The following IGDCC3 variants were observed in gnomAD, a reference collection of about 807,000 sequenced individuals.
IGDCC3 encodes the protein immunoglobulin superfamily DCC subclass member 3.
In IGDCC3, 47 loss-of-function variants were observed where a neutral mutation model predicts 72.0. That is an observed-to-expected ratio of 0.65 (90% CI 0.52 to 0.83). The LOEUF (loss-of-function observed/expected upper bound fraction) is 0.83. IGDCC3 is among the 40% of genes least tolerant of loss of function. IGDCC3 has a pLI of 0.00. For missense variants in IGDCC3, 1,038 were observed against 1,091.3 expected (o/e 0.95, Z 0.69); for synonymous variants, 477 against 472.8 (o/e 1.01, Z -0.11).
intron 4 of IGDCC3, 115 bp downstream of exon 4, chr15:65,335,176 T>C (rs2091016094): frequency 3.4e-6 from 4 of 1,171,814 alleles, no homozygotes; most frequent in Non-Finnish European, 4.8e-6. Flanking sequence ...CCCGGCACTC[T>C]GCACGCACGT....
At chr15:65,332,185 G>T in intron 6 of IGDCC3, 79 bp from the exon 7 acceptor site, 1 of 1,485,502 alleles carries the variant, frequency 6.7e-7, no homozygotes, top group South Asian at 1.3e-5. Context: ...ACAGGGGATG[G>T]GACTGGAGAT....
At position 65,329,174 on chromosome 15, in the gene IGDCC3, C is replaced by T. The variant is rs749944800; in HGVS notation, c.2206-26G>A. ...CTGGGGAAAGAGCCCGTCACACAGG[C>T]GTCAGCTTGAGGGCCAGGGCGCCAG... On this transcript the variant is annotated intron_variant, in intron 13 of 13. Transcript: ENST00000327987. The surrounding 1 kb of genome is among the most constrained non-coding windows in gnomAD (Gnocchi z 4.1). 33 of 1,587,408 alleles carry T rather than the reference C, an allele frequency of 2.1e-5. 1 individual carries two copies. Among genetic ancestry groups the T allele is most frequent in the Admixed American group, 3.6e-5 (2 of 55,546 alleles).
At chr15:65,347,617 T>G (rs1020097741) in intron 2 of IGDCC3, among the ~76,000 whole-genome samples, 1 of 152,054 alleles carries the variant, frequency 6.6e-6, no homozygotes, top group Non-Finnish European at 1.5e-5. Flanking sequence ...AAAATACAGG[T>G]CATAAACACC....
intron 3 of IGDCC3, 136 bp downstream of exon 3, chr15:65,335,675 TG>T: frequency 9.8e-7 from 1 of 1,016,332 alleles, no homozygotes. Context: ...GTCTAAACTG[TG>T]GTTGCAGAAA....
chr15:65,331,042 G>A lies in IGDCC3; in HGVS notation c.1561+8C>T. 1 of 1,612,988 alleles carries A rather than the reference G, an allele frequency of 6.2e-7. No individual in the cohort carries two copies. Among genetic ancestry groups the A allele is most frequent in the African/African-American group, 1.3e-5 (1 of 75,036 alleles). On this transcript the variant is annotated splice_region_variant and intron_variant, in intron 9 of 13. Transcript: ENST00000327987. ...CCTGTGGTTTTGTGCTCCACACCCA[G>A]GCCTCACCTTCACCCAGGGTGCTAG...
chr15:65,329,236 G>A lies in IGDCC3; in HGVS notation c.2206-88C>T. The A allele has an allele frequency of 6.6e-7, 1 of 1,518,204 alleles. No homozygotes were observed. Among genetic ancestry groups the A allele is most frequent in the African/African-American group, 1.4e-5 (1 of 71,942 alleles). The allele number at this position is 1,518,204 out of a possible 1,614,324, so 94.0% of individuals were successfully genotyped here. The stretch of plus-strand genomic sequence containing the variant: ...CCCCACTTGGGCCTTAGGGTCTCCA[G>A]GTCTCCCTGCCTGACTCAGGGACAC... On this transcript the variant is annotated intron_variant, in intron 13 of 13. Coordinates refer to ENST00000327987, the MANE Select transcript of IGDCC3 (RefSeq NM_004884.4). This position sits in a 1 kb window ranked among gnomAD's most constrained non-coding sequence, Gnocchi z 4.1.
In IGDCC3 at chr15:65,368,160, TCACACACACACA is replaced by T. The variant is rs57451250; in HGVS notation, c.409+6925_409+6936del. 1.5e-3 allele frequency among the ~76,000 whole-genome samples: 221 copies of T among 146,274 alleles called. 1 individual carries two copies. The highest frequency in any genetic ancestry group is 4.3e-3 in the African/African-American group (166 of 38,914). ...CTGTGGAAAACTCTCTCTCTTTCAC[TCACACACACACA>T]CACACACACACACACACACACACAC... On this transcript the variant is annotated intron_variant, in intron 2 of 13. Coordinates refer to ENST00000327987, the MANE Select transcript of IGDCC3 (RefSeq NM_004884.4).
intron 2 of IGDCC3, among the ~76,000 whole-genome samples, chr15:65,346,564 C>T (rs766766852): frequency 3.6e-4 from 54 of 152,096 alleles, no homozygotes; most frequent in Middle Eastern, 6.8e-3. Context: ...TCAAGCGATT[C>T]TCCTACCTCA....
chr15:65,344,808 G>A (rs1420051166), intron 2 of IGDCC3, among the ~76,000 whole-genome samples: 1 of 152,192 alleles, frequency 6.6e-6, no homozygotes, highest in African/African-American at 2.4e-5. Context: ...AGTGGAGGGT[G>A]TGAAGTGTGC....
chr15:65,370,504 C>A (rs1489905096), intron 2 of IGDCC3, among the ~76,000 whole-genome samples: 1 of 77,804 alleles, frequency 1.3e-5, no homozygotes, highest in African/African-American at 4.9e-5. Flanking sequence ...GAGACTTGGT[C>A]TCAAAAAAAA....
rs1439585262 is a variant in IGDCC3 at position 65,355,699 on chromosome 15, G to T, written c.409+19398C>A. ...CCCGCATAGCAATAGTGTCCGCGCT[G>T]AATGGCGCTGGCTAATTACCTCGCT... is the stretch of plus-strand genomic sequence containing the variant. On this transcript the variant is annotated intron_variant, in intron 2 of 13. Coordinates refer to ENST00000327987, the MANE Select transcript of IGDCC3 (RefSeq NM_004884.4). 1.4e-5 allele frequency: 6 copies of T among 423,240 alleles called. No homozygotes were observed. In the East Asian group the frequency reaches 5.0e-4, roughly 35 times the overall value. 26.2% of individuals were successfully genotyped at this position (423,240 alleles called of 1,614,324 possible). A position where few individuals can be genotyped will look rare whatever the true frequency, so the allele number is the denominator to read the frequency against.
In IGDCC3 at chr15:65,332,101, C is replaced by G. The variant is rs1255673953; in HGVS notation, c.988G>C (p.Ala330Pro). ...AQGRLVVQAP[A>P]EFVQHPQSIS... ...GACTGGGGATGCTGCACAAACTCAG[C>G]TGGGGCTGCGAGTAGAGTCAGGAGG... Residue 330 changes from alanine to proline, a missense_variant, in exon 7 of 14, where the codon GCT becomes CCT. Coordinates refer to ENST00000327987, the MANE Select transcript of IGDCC3 (RefSeq NM_004884.4). The G allele has an allele frequency of 6.2e-7, 1 of 1,612,788 alleles. No homozygotes were observed. Among genetic ancestry groups the G allele is most frequent in the African/African-American group, 1.3e-5 (1 of 74,914 alleles).
chr15:65,364,547 A>G (rs2091278952), intron 2 of IGDCC3, among the ~76,000 whole-genome samples: 1 of 152,160 alleles, frequency 6.6e-6, no homozygotes, highest in Non-Finnish European at 1.5e-5. Flanking sequence ...GCCCACATCC[A>G]AGGCTTAACA....
At chr15:65,349,687 T>C (rs1423122756) in intron 2 of IGDCC3, among the ~76,000 whole-genome samples, 3 of 152,222 alleles carry the variant, frequency 2.0e-5, no homozygotes, top group African/African-American at 7.2e-5. Flanking sequence ...CCTTGCTTTA[T>C]GTTCTTGGGA....
Position 65,328,876 on chromosome 15 carries a change from T to C in IGDCC3, c.*33A>G. On this transcript the variant is annotated 3_prime_UTR_variant, in exon 14 of 14. Transcript: ENST00000327987. ...CTTTTGACCTGAGAATGGGCCCCGCTCCGTCCACCCTCTGGAGCCTGCCAG... is the reference window on the plus strand; with the variant it reads ...CTTTTGACCTGAGAATGGGCCCCGCCCCGTCCACCCTCTGGAGCCTGCCAG... The C allele has an allele frequency of 6.6e-7, 1 of 1,503,820 alleles. No homozygotes were observed. Among genetic ancestry groups the C allele is most frequent in the Non-Finnish European group, 8.9e-7 (1 of 1,128,612 alleles). 93.2% of individuals were successfully genotyped at this position (1,503,820 alleles called of 1,614,324 possible). A position where few individuals can be genotyped will look rare whatever the true frequency, so the allele number is the denominator to read the frequency against.
intron 2 of IGDCC3, among the ~76,000 whole-genome samples, chr15:65,360,672 C>A (rs558638314): frequency 6.6e-6 from 1 of 152,210 alleles, no homozygotes; most frequent in South Asian, 2.1e-4. Context: ...AAGCCAAATA[C>A]TGGGTTTCAA....
At chr15:65,356,788 G>T (rs1246886197) in intron 2 of IGDCC3, among the ~76,000 whole-genome samples, 1 of 148,730 alleles carries the variant, frequency 6.7e-6, no homozygotes, top group East Asian at 2.0e-4. Flanking sequence ...CACAGAGGCA[G>T]ATAGGTGCAG....
intron 2 of IGDCC3, among the ~76,000 whole-genome samples, chr15:65,371,156 C>A (rs1206359809): frequency 6.6e-6 from 1 of 152,248 alleles, no homozygotes; most frequent in Non-Finnish European, 1.5e-5. Flanking sequence ...CCTGGGACCT[C>A]ATCCTAAATT....
intron 2 of IGDCC3, among the ~76,000 whole-genome samples, chr15:65,345,092 A>T (rs997330156): frequency 2.6e-5 from 4 of 152,176 alleles, no homozygotes; most frequent in Admixed American, 6.5e-5. Flanking sequence ...AAATATAGTC[A>T]TCTGTCCTAT....
Sources: gnomAD v4.1 joint callset for allele counts (sites outside exome capture counted in the v4.1 genomes callset) on GRCh38, gnomAD v4.1.1 for gene constraint, Gnocchi (gnomAD v3.1) non-coding constraint, MANE v1.5 for transcripts, NCBI Gene and HGNC (gene_info 2026-07-23, HGNC 2026-07-21) for gene names.